Variants in RASEF observed in about 807,000 individuals in gnomAD.
The protein encoded by RASEF is RAS and EF-hand domain containing.
RASEF carries 68 observed loss-of-function variants against 90.1 expected under a neutral mutation model. That is an observed-to-expected ratio of 0.75 (90% CI 0.62 to 0.92). The LOEUF (loss-of-function observed/expected upper bound fraction) is 0.92. RASEF is among the 40% of genes least tolerant of loss of function. The pLI is 0.00. For missense variants in RASEF, 949 were observed against 937.2 expected, an observed-to-expected ratio of 1.01 and a Z score of -0.16; for synonymous variants, 331 against 345.2, an observed-to-expected ratio of 0.96 and a Z score of 0.46.
chr9:82,994,902 C>A lies in RASEF; in HGVS notation c.1921-1877G>T, dbSNP rs141722938. Among the ~76,000 whole-genome samples, 772 of 152,268 alleles carry A rather than the reference C, an allele frequency of 5.1e-3. 6 individuals carry two copies. The highest frequency in any genetic ancestry group is 0.017 in the African/African-American group (724 of 41,554). On this transcript the variant is annotated intron_variant, in intron 14 of 16. Coordinates refer to ENST00000376447, the MANE Select transcript of RASEF (RefSeq NM_152573.4). ...ACAGCTTCTCAATCCTCTGGCTTAC[C>A]CCAATGATCACACCATTCATTTCCG...
chr9:83,209,615 A>T, the RASEF span, among the ~76,000 whole-genome samples: 4 of 152,276 alleles, frequency 2.6e-5, no homozygotes, highest in African/African-American at 9.6e-5. Flanking sequence ...CCTGAATAAT[A>T]AACAAATAAC....
intron 1 of RASEF, among the ~76,000 whole-genome samples, chr9:83,046,321 A>G (rs1829929004): frequency 6.6e-6 from 1 of 152,146 alleles, no homozygotes; most frequent in African/African-American, 2.4e-5. Flanking sequence ...TAGGATTATT[A>G]CTGCTTATTT....
At chr9:83,159,185 CAAAA>C in the RASEF span, among the ~76,000 whole-genome samples, 7 of 103,296 alleles carry the variant, frequency 6.8e-5, no homozygotes, top group Non-Finnish European at 6.1e-5. Context: ...GACTCCGTCT[CAAAA>C]AAAAAAAAAA....
At chr9:83,040,169 A>G (rs1829812405) in intron 1 of RASEF, among the ~76,000 whole-genome samples, 1 of 152,056 alleles carries the variant, frequency 6.6e-6, no homozygotes, top group South Asian at 2.1e-4. Context: ...CTTTTTCTTT[A>G]TAAATTACCC....
chr9:83,129,624 C>T, the RASEF span, among the ~76,000 whole-genome samples: 55 of 152,292 alleles, frequency 3.6e-4, no homozygotes, highest in South Asian at 1.9e-3. Context: ...TGTGTCTCCT[C>T]CTTAAGCTAG....
At chr9:83,162,002 C>T in the RASEF span, among the ~76,000 whole-genome samples, 1 of 151,960 alleles carries the variant, frequency 6.6e-6, no homozygotes, top group Admixed American at 6.6e-5. Flanking sequence ...ATTTCCCAGT[C>T]TCAGGTATGT....
chr9:83,012,059 C>T (rs540528872), intron 5 of RASEF, among the ~76,000 whole-genome samples: 2 of 150,452 alleles, frequency 1.3e-5, no homozygotes, highest in Admixed American at 1.3e-4. Flanking sequence ...ATGTGGCTGG[C>T]GTAAGATGGA....
At chr9:83,046,036 A>C (rs560152184) in intron 1 of RASEF, among the ~76,000 whole-genome samples, 5 of 151,948 alleles carry the variant, frequency 3.3e-5, no homozygotes, top group Non-Finnish European at 5.9e-5. Flanking sequence ...AAAAAAAAAA[A>C]AAACCCTGCA....
intron 16 of RASEF, 132 bp from the exon 17 acceptor site, chr9:82,982,914 T>C (rs1055288929): frequency 2.2e-5 from 14 of 643,060 alleles, no homozygotes; most frequent in Middle Eastern, 3.0e-4. Flanking sequence ...CACGGCCTTA[T>C]AGACATTGTT....
At chr9:83,144,162 G>A in the RASEF span, among the ~76,000 whole-genome samples, 3 of 151,744 alleles carry the variant, frequency 2.0e-5, no homozygotes, top group Non-Finnish European at 2.9e-5. Context: ...AAGGGAGAAA[G>A]GGGAGTAAGG....
the RASEF span, among the ~76,000 whole-genome samples, chr9:83,144,234 T>C: frequency 6.6e-6 from 1 of 150,510 alleles, no homozygotes; most frequent in African/African-American, 2.4e-5. Context: ...TGGGTACCAC[T>C]CTCACTGCCT....
the RASEF span, among the ~76,000 whole-genome samples, chr9:83,163,118 C>A: frequency 6.6e-6 from 1 of 152,172 alleles, no homozygotes; most frequent in Non-Finnish European, 1.5e-5. Flanking sequence ...CCAACTCCAG[C>A]CCACTGTTTC....
Position 82,990,482 on chromosome 9 carries a change from T to C in RASEF, c.2041-15A>G. 3 of 1,583,696 alleles carry C rather than the reference T, an allele frequency of 1.9e-6. No homozygotes were observed. Among genetic ancestry groups the C allele is most frequent in the Non-Finnish European group, 2.6e-6 (3 of 1,156,490 alleles). ...GCCCCATACGTCTGTAAAAAAGAAA[T>C]ACACACAATTAAATGAAGCCCTTCA... On this transcript the variant is annotated splice_polypyrimidine_tract_variant and intron_variant, in intron 15 of 16. Coordinates refer to ENST00000376447, the MANE Select transcript of RASEF (RefSeq NM_152573.4).
the RASEF span, among the ~76,000 whole-genome samples, chr9:83,193,512 A>G: frequency 6.6e-6 from 1 of 152,222 alleles, no homozygotes; most frequent in African/African-American, 2.4e-5. Flanking sequence ...TACTGGAGTA[A>G]GCAGAATTCA....
the RASEF span, among the ~76,000 whole-genome samples, chr9:83,159,436 T>A: frequency 1.8e-3 from 274 of 152,284 alleles, 1 homozygote; most frequent in Non-Finnish European, 3.2e-3. Context: ...GCTTTTATGA[T>A]TTGCTTTGAA....
intron 9 of RASEF, among the ~76,000 whole-genome samples, chr9:83,002,592 A>G (rs1281250306): frequency 6.6e-6 from 1 of 151,658 alleles, no homozygotes; most frequent in African/African-American, 2.4e-5. Flanking sequence ...CATTATTTAT[A>G]AAACTCTCCT....
At chr9:83,058,251 C>T (rs560189218) in intron 1 of RASEF, among the ~76,000 whole-genome samples, 7 of 128,230 alleles carry the variant, frequency 5.5e-5, no homozygotes, top group Admixed American at 4.5e-4. Flanking sequence ...GGCGCGATCT[C>T]GGCTCACTGC....
chr9:83,177,929 T>G, the RASEF span, among the ~76,000 whole-genome samples: 1 of 152,126 alleles, frequency 6.6e-6, no homozygotes, highest in African/African-American at 2.4e-5. Context: ...ATTTTCTTCA[T>G]TCTTTCCTTT....
chr9:83,041,019 C>T (rs950437494), intron 1 of RASEF, among the ~76,000 whole-genome samples: 4 of 152,154 alleles, frequency 2.6e-5, no homozygotes, highest in Admixed American at 6.5e-5. Context: ...CGCCACCATG[C>T]CTGGCTAATT....
Sources: gnomAD v4.1 joint callset for allele counts (sites outside exome capture counted in the v4.1 genomes callset) on GRCh38, gnomAD v4.1.1 for gene constraint, MANE v1.5 for transcripts, NCBI Gene and HGNC (gene_info 2026-07-23, HGNC 2026-07-21) for gene names.